The following TBX15 variants were observed in gnomAD, a reference collection of about 807,000 sequenced individuals.
TBX15 encodes T-box transcription factor 15, also known as T-box transcription factor TBX15.
A neutral mutation model predicts 53.9 loss-of-function variants in TBX15; 18 were observed. The observed-to-expected ratio is 0.33, with a 90% CI of 0.23 to 0.49. The LOEUF (loss-of-function observed/expected upper bound fraction) is 0.49. Ranked by LOEUF, TBX15 falls within the 20% of genes least tolerant of loss-of-function variation. TBX15 has a pLI of 0.98. For missense variants in TBX15, 692 were observed against 749.5 expected (o/e 0.92, Z 0.90); for synonymous variants, 295 against 278.0 (o/e 1.06, Z -0.61).
At chr1:118,900,260 C>A (rs1654578748) in intron 6 of TBX15, among the ~76,000 whole-genome samples, 1 of 152,158 alleles carries the variant, frequency 6.6e-6, no homozygotes, top group Non-Finnish European at 1.5e-5. Flanking sequence ...GGCATCCCTT[C>A]CTGAAATGGA....
chr1:118,898,814 C>T (rs1654515890), intron 7 of TBX15, among the ~76,000 whole-genome samples: 2 of 152,090 alleles, frequency 1.3e-5, no homozygotes, highest in African/African-American at 2.4e-5. Flanking sequence ...AGGGAGAGAG[C>T]ATTTTGAGTG....
intron 6 of TBX15, among the ~76,000 whole-genome samples, chr1:118,905,007 C>T (rs552176118): frequency 6.6e-6 from 1 of 152,168 alleles, no homozygotes; most frequent in South Asian, 2.1e-4. Context: ...TGATTAAAGA[C>T]AAAATGTATC....
chr1:118,956,162 T>G (rs1656683581), intron 1 of TBX15, among the ~76,000 whole-genome samples: 1 of 152,204 alleles, frequency 6.6e-6, no homozygotes, highest in African/African-American at 2.4e-5. Context: ...CTTCCCAGCC[T>G]TCAGAACTGT....
intron 1 of TBX15, among the ~76,000 whole-genome samples, chr1:118,974,025 G>A (rs1157888467): frequency 6.6e-6 from 1 of 152,136 alleles, no homozygotes; most frequent in Admixed American, 6.5e-5. Flanking sequence ...AACACTGCAG[G>A]GAAAATGAAA....
At chr1:118,894,088 G>C (rs951987659) in intron 7 of TBX15, among the ~76,000 whole-genome samples, 4 of 152,186 alleles carry the variant, frequency 2.6e-5, no homozygotes, top group Admixed American at 2.0e-4. Flanking sequence ...GCACTAAGAA[G>C]GCAAGTGGGT....
intron 7 of TBX15, among the ~76,000 whole-genome samples, chr1:118,893,269 AGAAGGAAGGAAGGAAGGAAGGAAGGAAG>A (rs373917263): frequency 4.9e-5 from 3 of 61,086 alleles, no homozygotes; most frequent in African/African-American, 1.8e-4. Flanking sequence ...AAAGAAAGGA[AGAAGGAAGGAAGGAAGGAAGGAAGGAAG>A]GAAGGAAGGA....
At chr1:118,915,825 G>T (rs1655201164) in intron 5 of TBX15, among the ~76,000 whole-genome samples, 1 of 152,106 alleles carries the variant, frequency 6.6e-6, no homozygotes, top group East Asian at 1.9e-4. Flanking sequence ...ATGTTTTGGG[G>T]GTCTCCACAG....
chr1:118,952,034 T>C (rs1656532190), intron 1 of TBX15, among the ~76,000 whole-genome samples: 1 of 152,046 alleles, frequency 6.6e-6, no homozygotes, highest in Non-Finnish European at 1.5e-5. Flanking sequence ...TTCTTTTGCC[T>C]TTGTCACCCC....
At chr1:118,924,900 A>G in intron 3 of TBX15, 83 bp from the exon 4 acceptor site, 1 of 1,461,868 alleles carries the variant, frequency 6.8e-7, no homozygotes, top group Non-Finnish European at 9.6e-7. Context: ...GAGACAGGGG[A>G]AAGGAGAGAA....
At chr1:118,966,717 G>A (rs547870317) in intron 1 of TBX15, among the ~76,000 whole-genome samples, 25 of 152,292 alleles carry the variant, frequency 1.6e-4, no homozygotes, top group African/African-American at 5.5e-4. Context: ...TGCTTAAGCT[G>A]TCTTCATTTG....
At chr1:118,887,725 C>G (rs1409878094) in intron 7 of TBX15, among the ~76,000 whole-genome samples, 4 of 150,334 alleles carry the variant, frequency 2.7e-5, no homozygotes, top group Non-Finnish European at 5.9e-5. Flanking sequence ...AAGAAACCAT[C>G]CACAGTGTGC....
rs560070898 is a variant in TBX15 at position 118,903,307 on chromosome 1, T to C, written c.927-4182A>G. Reference sequence around the variant, plus strand: ...CAAATTGATGATGGCTTGAAATCAATTTATTTGGAAAAATAGTCAGACTAC... The same window carrying C: ...CAAATTGATGATGGCTTGAAATCAACTTATTTGGAAAAATAGTCAGACTAC... On this transcript the variant is annotated intron_variant, in intron 6 of 7. Transcript: ENST00000369429. Among the ~76,000 whole-genome samples, 5 of 152,272 alleles carry C rather than the reference T, an allele frequency of 3.3e-5. No homozygotes were observed. The South Asian group carries it at 1.0e-3, about 32-fold the overall frequency.
intron 1 of TBX15, among the ~76,000 whole-genome samples, chr1:118,936,522 G>C (rs1043777868): frequency 6.6e-6 from 1 of 151,964 alleles, no homozygotes; most frequent in Non-Finnish European, 1.5e-5. Flanking sequence ...TTTACCATGG[G>C]GGGTGGGGGT....
intron 6 of TBX15, among the ~76,000 whole-genome samples, chr1:118,907,160 C>T (rs1571162825): frequency 6.6e-6 from 1 of 152,144 alleles, no homozygotes; most frequent in East Asian, 1.9e-4. Flanking sequence ...CTTTGGGGTG[C>T]CATACCAGCT....
chr1:118,891,097 A>G, intron 7 of TBX15: 13 of 281,956 alleles, frequency 4.6e-5, no homozygotes, highest in South Asian at 9.2e-5. Context: ...TGAGATGAGT[A>G]CCATCCTCAT....
intron 5 of TBX15, among the ~76,000 whole-genome samples, chr1:118,916,295 G>C (rs577966282): frequency 6.6e-6 from 1 of 152,318 alleles, no homozygotes; most frequent in Admixed American, 6.5e-5. Context: ...ATGTTGAAGG[G>C]CTCTGGGGTT....
chr1:118,898,189 G>T (rs1654493769), intron 7 of TBX15, among the ~76,000 whole-genome samples: 1 of 152,160 alleles, frequency 6.6e-6, no homozygotes, highest in East Asian at 1.9e-4. Flanking sequence ...GCCTAGCCTA[G>T]ACCTAGTCTA....
intron 1 of TBX15, among the ~76,000 whole-genome samples, chr1:118,954,210 C>T (rs1656606793): frequency 6.6e-6 from 1 of 152,188 alleles, no homozygotes; most frequent in African/African-American, 2.4e-5. Flanking sequence ...AGGAGTTTCC[C>T]TGCTTGGCTG....
intron 1 of TBX15, among the ~76,000 whole-genome samples, chr1:118,962,900 A>C (rs1275621807): frequency 6.6e-6 from 1 of 152,264 alleles, no homozygotes. Flanking sequence ...TCTCAAAAGC[A>C]GAAATAGTTT....
Sources: allele counts gnomAD v4.1 joint callset (sites outside exome capture counted in the v4.1 genomes callset), GRCh38; gene constraint gnomAD v4.1.1; transcripts MANE v1.5; gene names NCBI Gene and HGNC (gene_info 2026-07-23, HGNC 2026-07-21).